PTGFRN: variants seen among roughly 807,000 people sequenced by gnomAD.
PTGFRN encodes prostaglandin F2 receptor negative regulator.
A neutral mutation model predicts 83.2 loss-of-function variants in PTGFRN; 35 were observed. The observed-to-expected ratio is 0.42, with a 90% confidence interval of 0.32 to 0.56. The LOEUF is 0.56. Ranked by LOEUF, PTGFRN falls within the 20% of genes least tolerant of loss-of-function variation. The pLI, the probability that PTGFRN is intolerant of heterozygous loss-of-function variation, is 0.11. For missense variants in PTGFRN, 1,051 were observed against 1,179.5 expected (o/e 0.89, Z 1.60); for synonymous variants, 519 against 498.6 (o/e 1.04, Z -0.55).
At chr1:116,965,137 C>T (rs1412935397) in intron 5 of PTGFRN, among the ~76,000 whole-genome samples, 1 of 152,204 alleles carries the variant, frequency 6.6e-6, no homozygotes, top group African/African-American at 2.4e-5. Context: ...AGCCACTCTG[C>T]CCTTCCAGGC....
At position 116,941,896 on chromosome 1, in the gene PTGFRN, G is replaced by A. The variant is rs1480484835; in HGVS notation, c.231G>A (p.Gly77=). The A allele has an allele frequency of 1.2e-6, 2 of 1,614,170 alleles. No individual in the cohort carries two copies. Among genetic ancestry groups the A allele is most frequent in the East Asian group, 4.5e-5 (2 of 44,886 alleles). The change falls in exon 2 of 9, where the codon GGG becomes GGA. Residue 77 remains glycine, a synonymous_variant. Coordinates refer to ENST00000393203, the MANE Select transcript of PTGFRN (RefSeq NM_020440.4). The surrounding 1 kb of genome is among the most constrained non-coding windows in gnomAD (Gnocchi z 5.0). ...FVELASTWEV[G]FPAQLYQERL... ...AGCTTGCAAGCACCTGGGAGGTGGG[G>A]TTCCCAGCCCAGCTGTACCAGGAGC... is the stretch of plus-strand genomic sequence containing the variant.
intron 6 of PTGFRN, among the ~76,000 whole-genome samples, chr1:116,971,113 G>T (rs1441068105): frequency 1.3e-5 from 2 of 152,266 alleles, no homozygotes; most frequent in South Asian, 4.1e-4. Flanking sequence ...CATCTTCCTA[G>T]AATGTTTTTC....
At chr1:116,985,037 C>A in intron 8 of PTGFRN, 52 bp downstream of exon 8, 1 of 1,525,396 alleles carries the variant, frequency 6.6e-7, no homozygotes, top group Non-Finnish European at 9.0e-7. Flanking sequence ...TCTTCTTGTG[C>A]CAGGCTGTAG....
chr1:116,989,750 G>T lies in PTGFRN; in HGVS notation c.*2783G>T, dbSNP rs11836. 0.31 allele frequency: 47,877 copies of T among 152,420 alleles called. 7,754 individuals carry two copies. Among genetic ancestry groups the T allele is most frequent in the East Asian group, 0.46 (2,403 of 5,170 alleles). The allele number at this position is 152,420 out of a possible 1,614,324, so 9.4% of individuals were successfully genotyped here. ...TCGACTTTTTAACAACTGTTGAGAT[G>T]TTTCATGGGACAGTAGAACTCTGAC... is the stretch of plus-strand genomic sequence containing the variant. On this transcript the variant is annotated 3_prime_UTR_variant, in exon 9 of 9. Coordinates refer to ENST00000393203, the MANE Select transcript of PTGFRN (RefSeq NM_020440.4).
intron 4 of PTGFRN, among the ~76,000 whole-genome samples, chr1:116,959,835 G>T (rs1445237408): frequency 6.6e-6 from 1 of 152,050 alleles, no homozygotes; most frequent in Non-Finnish European, 1.5e-5. Context: ...AATGAGCTGG[G>T]TGTGGTGGTA....
rs1346699020 is a variant in PTGFRN at position 116,988,410 on chromosome 1, A to G, written c.*1443A>G. ...TGTCCTTGGAGCCTCCCGCTCCCTG[A>G]AGTGTCTCGCCCCCTGCACAGCACT... On this transcript the variant is annotated 3_prime_UTR_variant, in exon 9 of 9. Transcript: ENST00000393203. The G allele has an allele frequency of 2.6e-5, 4 of 152,618 alleles. No individual in the cohort carries two copies. The highest frequency in any genetic ancestry group is 9.7e-5 in the African/African-American group (4 of 41,402). The allele number at this position is 152,618 out of a possible 1,614,324, so 9.5% of individuals were successfully genotyped here.
chr1:116,931,562 T>G (rs2101057580), intron 1 of PTGFRN, among the ~76,000 whole-genome samples: 1 of 151,914 alleles, frequency 6.6e-6, no homozygotes, highest in Non-Finnish European at 1.5e-5. Flanking sequence ...CTGGATGGGG[T>G]TTTGAAGTTC....
chr1:116,926,563 T>C (rs901565764), intron 1 of PTGFRN, among the ~76,000 whole-genome samples: 1 of 152,112 alleles, frequency 6.6e-6, no homozygotes, highest in Non-Finnish European at 1.5e-5. Context: ...TTTTTGCATC[T>C]TTTTTTTATT....
rs528219615 is a variant in PTGFRN at position 116,979,964 on chromosome 1, T to A, written c.2168-4716T>A. ...ACAGAATGGGAGAAAATTTTTGCAG[T>A]CTACTCATCTGACAAAGGGCTAATA... is the stretch of plus-strand genomic sequence containing the variant. On this transcript the variant is annotated intron_variant, in intron 7 of 8. Transcript: ENST00000393203. Among the ~76,000 whole-genome samples the A allele has an allele frequency of 1.6e-4, 24 of 152,290 alleles. No homozygotes were observed. In the South Asian group the frequency reaches 5.0e-3, roughly 32 times the overall value.
chr1:116,924,339 G>T (rs1649605009), intron 1 of PTGFRN, among the ~76,000 whole-genome samples: 1 of 151,954 alleles, frequency 6.6e-6, no homozygotes, highest in African/African-American at 2.4e-5. Context: ...TAGAGATGGG[G>T]TTTCAGCATC....
At chr1:116,959,403 T>A (rs1290146359) in intron 4 of PTGFRN, among the ~76,000 whole-genome samples, 2 of 152,196 alleles carry the variant, frequency 1.3e-5, no homozygotes, top group East Asian at 3.9e-4. Context: ...AAGATGACAT[T>A]TGAGGAATTA....
At chr1:116,920,504 G>T (rs939168110) in intron 1 of PTGFRN, among the ~76,000 whole-genome samples, 2 of 152,216 alleles carry the variant, frequency 1.3e-5, no homozygotes, top group Admixed American at 1.3e-4. Flanking sequence ...ATGTTCCACA[G>T]GTTGCCCTTT....
intron 1 of PTGFRN, among the ~76,000 whole-genome samples, chr1:116,917,812 A>G (rs1458868092): frequency 6.6e-6 from 1 of 152,022 alleles, no homozygotes; most frequent in Non-Finnish European, 1.5e-5. Context: ...TCCTAGAGGC[A>G]GGGTCTTGCT....
chr1:116,980,857 T>A (rs1651299622), intron 7 of PTGFRN, among the ~76,000 whole-genome samples: 1 of 152,052 alleles, frequency 6.6e-6, no homozygotes, highest in Non-Finnish European at 1.5e-5. Context: ...AGTATAATAA[T>A]AATAAAAATA....
intron 1 of PTGFRN, among the ~76,000 whole-genome samples, chr1:116,912,928 T>G (rs1177085508): frequency 1.3e-5 from 2 of 152,214 alleles, no homozygotes; most frequent in African/African-American, 4.8e-5. Flanking sequence ...TAAGCCTACC[T>G]ACCATGATCA....
intron 6 of PTGFRN, 49 bp downstream of exon 6, chr1:116,967,379 AGG>A: frequency 6.5e-7 from 1 of 1,545,240 alleles, no homozygotes; most frequent in African/African-American, 1.4e-5. Context: ...AAGAGACCCT[AGG>A]GTTTTGATCA....
intron 4 of PTGFRN, among the ~76,000 whole-genome samples, chr1:116,956,036 C>A (rs1010947184): frequency 2.0e-5 from 3 of 152,156 alleles, no homozygotes; most frequent in African/African-American, 4.8e-5. Context: ...TCTCTGCAAA[C>A]CATTTTTAAA....
At chr1:116,957,949 CT>C (rs139160892) in intron 4 of PTGFRN, among the ~76,000 whole-genome samples, 40 of 147,624 alleles carry the variant, frequency 2.7e-4, no homozygotes, top group African/African-American at 6.0e-4. Context: ...GGATTTTGTT[CT>C]TTTTTTTTTA....
At chr1:116,977,781 A>G (rs1651197561) in intron 7 of PTGFRN, among the ~76,000 whole-genome samples, 1 of 152,226 alleles carries the variant, frequency 6.6e-6, no homozygotes, top group Non-Finnish European at 1.5e-5. Flanking sequence ...AAAGATCTAA[A>G]ATTGACACCC....
Sources: allele counts gnomAD v4.1 joint callset (sites outside exome capture counted in the v4.1 genomes callset), GRCh38; gene constraint gnomAD v4.1.1; non-coding constraint Gnocchi (gnomAD v3.1); transcripts MANE v1.5; gene names NCBI Gene and HGNC (gene_info 2026-07-23, HGNC 2026-07-21).